Variants in MDH1B observed in about 807,000 individuals in gnomAD.
MDH1B encodes the protein malate dehydrogenase 1B, also known as putative malate dehydrogenase 1B.
In MDH1B, 60 loss-of-function variants were observed where a neutral mutation model predicts 61.4. That is an observed-to-expected ratio of 0.98 (90% CI 0.79 to 1.21). The LOEUF is 1.21. Among genes scored for constraint, MDH1B ranks in the 50% most tolerant of loss-of-function variants. MDH1B has a pLI of 0.00. For synonymous variants in MDH1B, 236 were observed against 218.7 expected, an observed-to-expected ratio of 1.08 and a Z score of -0.70; for missense variants, 587 against 632.1, an observed-to-expected ratio of 0.93 and a Z score of 0.76.
chr2:206,750,961 C>G lies in MDH1B; in HGVS notation c.1025G>C (p.Arg342Pro). ...SAIWGPLHYS[R>P]PVLNLIFDSE... Reference sequence around the variant, plus strand: ...GTCAAAAATCAAGTTTAAAACAGGGCGTGAATAATGAAGAGGTCCCCAAAT... The same window carrying G: ...GTCAAAAATCAAGTTTAAAACAGGGGGTGAATAATGAAGAGGTCCCCAAAT... The change falls in exon 6 of 12, where the codon CGC (arginine) becomes CCC (proline). Residue 342 changes from arginine to proline, a missense_variant. Arg to Pro is a moderately radical substitution (Grantham distance 103). Transcript: ENST00000374412. The G allele has an allele frequency of 6.2e-7, 1 of 1,609,772 alleles. No individual in the cohort carries two copies. Among genetic ancestry groups the G allele is most frequent in the Non-Finnish European group, 8.5e-7 (1 of 1,177,862 alleles).
chr2:206,745,582 T>G, intron 9 of MDH1B, 40 bp downstream of exon 9: 1 of 1,441,856 alleles, frequency 6.9e-7, no homozygotes, highest in Non-Finnish European at 9.7e-7. Context: ...TAATACTCTT[T>G]TAATAGCAGT....
Position 206,738,327 on chromosome 2 carries a change from C to A in MDH1B, c.*156G>T. On this transcript the variant is annotated 3_prime_UTR_variant, in exon 12 of 12. Transcript: ENST00000374412. ...ATGCAAAATGACGGAACTCTGACCT[C>A]TGTGCTGTCACAGTGATTTAATTGC... 2.1e-6 allele frequency: 1 copy of A among 484,546 alleles called. No individual in the cohort carries two copies. The highest frequency in any genetic ancestry group is 2.0e-5 in the African/African-American group (1 of 50,208). The allele number at this position is 484,546 out of a possible 1,614,324, so 30.0% of individuals were successfully genotyped here. A position where few individuals can be genotyped will look rare whatever the true frequency, so the allele number is the denominator to read the frequency against.
At chr2:206,749,524 C>T (rs1688316434) in intron 6 of MDH1B, among the ~76,000 whole-genome samples, 1 of 151,874 alleles carries the variant, frequency 6.6e-6, no homozygotes, top group African/African-American at 2.4e-5. Context: ...TAGTACCCTA[C>T]ATATTAAACA....
intron 9 of MDH1B, 87 bp downstream of exon 9, chr2:206,745,535 A>G (rs1433283238): frequency 1.2e-4 from 118 of 973,044 alleles, no homozygotes; most frequent in Non-Finnish European, 4.8e-6. Context: ...AATGAGAGTT[A>G]TTCATATTAA....
intron 1 of MDH1B, among the ~76,000 whole-genome samples, chr2:206,762,013 G>A (rs1468668223): frequency 6.6e-6 from 1 of 152,054 alleles, no homozygotes; most frequent in Non-Finnish European, 1.5e-5. Flanking sequence ...TGCCTTTTCT[G>A]TAGCTGGGTC....
At chr2:206,746,802 C>T (rs767206684) in intron 7 of MDH1B, among the ~76,000 whole-genome samples, 4 of 152,132 alleles carry the variant, frequency 2.6e-5, no homozygotes, top group Non-Finnish European at 5.9e-5. Context: ...TGCTACAGCA[C>T]TCACACAGCC....
At chr2:206,747,447 G>T (rs566095610) in intron 7 of MDH1B, among the ~76,000 whole-genome samples, 19 of 152,144 alleles carry the variant, frequency 1.2e-4, no homozygotes, top group Non-Finnish European at 2.4e-4. Context: ...TACAAATAAA[G>T]GTAAGGTTTT....
chr2:206,746,252 C>G, intron 8 of MDH1B, 35 bp downstream of exon 8: 1 of 1,586,686 alleles, frequency 6.3e-7, no homozygotes, highest in Non-Finnish European at 8.6e-7. Context: ...AGGTCATTAT[C>G]AAGGTCAGTC....
intron 6 of MDH1B, among the ~76,000 whole-genome samples, chr2:206,750,012 A>C (rs1343493826): frequency 6.6e-6 from 1 of 152,182 alleles, no homozygotes; most frequent in Non-Finnish European, 1.5e-5. Context: ...AGCTCTATGC[A>C]ACACTGGTCC....
intron 9 of MDH1B, among the ~76,000 whole-genome samples, chr2:206,743,046 G>A (rs1181457775): frequency 6.6e-6 from 1 of 151,812 alleles, no homozygotes; most frequent in Non-Finnish European, 1.5e-5. Context: ...CAGAAATCTG[G>A]AGAACAGGTA....
intron 6 of MDH1B, among the ~76,000 whole-genome samples, chr2:206,750,669 T>C (rs1392625245): frequency 2.6e-5 from 4 of 152,106 alleles, no homozygotes; most frequent in Non-Finnish European, 5.9e-5. Context: ...CCCTTATACA[T>C]GCTTGCTTTA....
chr2:206,738,733 A>G lies in MDH1B; in HGVS notation c.1529-222T>C, dbSNP rs113609368. Among the ~76,000 whole-genome samples, 1,105 of 152,246 alleles carry G rather than the reference A, an allele frequency of 7.3e-3. 13 individuals are homozygous for G. Among genetic ancestry groups the G allele is most frequent in the African/African-American group, 0.025 (1,040 of 41,544 alleles). ...GTGGCCTCTTCCCTGGCCACAAGCTATTTTTATGTGCTCTCTCCTGTCACC... is the reference window on the plus strand; with the variant it reads ...GTGGCCTCTTCCCTGGCCACAAGCTGTTTTTATGTGCTCTCTCCTGTCACC... On this transcript the variant is annotated intron_variant, in intron 11 of 11. Transcript: ENST00000374412.
chr2:206,745,264 GC>G, intron 9 of MDH1B: 3 of 414,966 alleles, frequency 7.2e-6, no homozygotes, highest in Non-Finnish European at 1.4e-5. Context: ...AGAGAGTGTG[GC>G]CCTGCTGATA....
intron 10 of MDH1B, among the ~76,000 whole-genome samples, chr2:206,740,407 A>G (rs781612634): frequency 6.6e-6 from 1 of 152,204 alleles, no homozygotes; most frequent in Non-Finnish European, 1.5e-5. Context: ...GATCATCATA[A>G]GGTTCTTTAT....
At chr2:206,747,164 C>G (rs77206464) in intron 7 of MDH1B, among the ~76,000 whole-genome samples, 1 of 144,058 alleles carries the variant, frequency 6.9e-6, no homozygotes, top group African/African-American at 2.6e-5. Flanking sequence ...GGCAAAAAAA[C>G]AAACAACAAC....
At chr2:206,745,324 T>G in intron 9 of MDH1B, 1 of 527,562 alleles carries the variant, frequency 1.9e-6, no homozygotes, top group Non-Finnish European at 3.6e-6. Context: ...AGTAAATTTC[T>G]GTTGTTTTTA....
rs1412720166 is a variant in MDH1B at position 206,738,260 on chromosome 2, A to T, written c.*223T>A. 1 of 385,516 alleles carries T rather than the reference A, an allele frequency of 2.6e-6. No individual in the cohort carries two copies. Among genetic ancestry groups the T allele is most frequent in the South Asian group, 9.3e-5 (1 of 10,748 alleles). The allele number at this position is 385,516 out of a possible 1,614,324, so 23.9% of individuals were successfully genotyped here. On this transcript the variant is annotated 3_prime_UTR_variant, in exon 12 of 12. Coordinates refer to ENST00000374412, the MANE Select transcript of MDH1B (RefSeq NM_001039845.3). ...CATTTGACACCAAAATAGTTCTAAGAAAATGCAATTATTATGAAACAAACA... is the reference window on the plus strand; with the variant it reads ...CATTTGACACCAAAATAGTTCTAAGTAAATGCAATTATTATGAAACAAACA...
At chr2:206,744,355 T>G (rs1687975614) in intron 9 of MDH1B, among the ~76,000 whole-genome samples, 1 of 152,180 alleles carries the variant, frequency 6.6e-6, no homozygotes. Context: ...TTATAGTTGG[T>G]ACTGCACACA....
rs367736545 is a variant in MDH1B at position 206,757,680 on chromosome 2, C to T, written c.136-309G>A. ...TAAAGAGAGGTCACATGTTCCAACT[C>T]AACTGATTTTTAAAAAAATTCAACT... On this transcript the variant is annotated intron_variant, in intron 2 of 11. Coordinates refer to ENST00000374412, the MANE Select transcript of MDH1B (RefSeq NM_001039845.3). 9.2e-5 allele frequency among the ~76,000 whole-genome samples: 14 copies of T among 152,292 alleles called. No individual in the cohort carries two copies. In the East Asian group the frequency reaches 1.9e-3, roughly 21 times the overall value.
Sources: allele counts gnomAD v4.1 joint callset (sites outside exome capture counted in the v4.1 genomes callset), GRCh38; gene constraint gnomAD v4.1.1; transcripts MANE v1.5; gene names NCBI Gene and HGNC (gene_info 2026-07-23, HGNC 2026-07-21).